The following CASZ1 variants were observed in gnomAD, a reference collection of about 807,000 sequenced individuals.
CASZ1 encodes the protein zinc finger protein castor homolog 1.
In CASZ1, 28 loss-of-function variants were observed where a neutral mutation model predicts 135.2. The ratio of observed to expected loss-of-function variants is 0.21; its 90% CI spans 0.15 to 0.28. The LOEUF (loss-of-function observed/expected upper bound fraction) is 0.28, where lower values mean the gene tolerates loss of function less well. Ranked by LOEUF, CASZ1 falls within the 10% of genes least tolerant of loss-of-function variation. The pLI is 1.00. For missense variants in CASZ1, 2,161 were observed against 2,453.3 expected (o/e 0.88, Z 2.52); for synonymous variants, 1,068 against 1,073.4 (o/e 0.99, Z 0.10).
rs1345081379 is a variant in CASZ1, at chr1:10,639,572, C to T, written c.4650G>A (p.Gln1550=). The T allele has an allele frequency of 1.8e-5, 29 of 1,611,510 alleles. No individual in the cohort carries two copies. Among genetic ancestry groups the T allele is most frequent in the Non-Finnish European group, 2.5e-5 (29 of 1,179,104 alleles). Residue 1550 remains glutamine (Q), a synonymous_variant, in exon 21 of 21, where the codon CAG becomes CAA. Transcript: ENST00000377022. This position sits in a 1 kb window ranked among gnomAD's most constrained non-coding sequence, Gnocchi z 4.0. ...CGGCGCAGTCGGCGCTGGAGCTGAA[C>T]TGGCAGAAGCCCGCGGCGCTGATCA... The part of the protein sequence containing the change: ...QDVISAAGFC[Q]FSSSADCAVP...
intron 1 of CASZ1, among the ~76,000 whole-genome samples, chr1:10,769,619 C>T (rs1000285366): frequency 2.9e-4 from 44 of 152,182 alleles, no homozygotes; most frequent in African/African-American, 9.2e-4. Flanking sequence ...CGGGTTCAAG[C>T]GATTCTCCTG....
rs1194855522 is a variant in CASZ1, at chr1:10,646,312, G to A, written c.3512C>T (p.Ala1171Val). The part of the protein sequence containing the change: ...LQFQENDPCL[A>V]TDCKYANKFH... ...CTTGTTGGCGTACTTGCAGTCCGTG[G>A]CGAGGCAAGGATCGCTGGAAGGAAA... Residue 1171 changes from alanine (A) to valine (V), a missense_variant, in exon 17 of 21, where the codon GCC becomes GTC. Around this residue, in one of 7 missense-constraint regions of CASZ1, gnomAD observed 349 missense variants for 460.8 expected, o/e 0.76. Transcript: ENST00000377022. This position sits in a 1 kb window ranked among gnomAD's most constrained non-coding sequence, Gnocchi z 6.4. 1 of 1,613,902 alleles carries A rather than the reference G, an allele frequency of 6.2e-7. No homozygotes were observed. Among genetic ancestry groups the A allele is most frequent in the Non-Finnish European group, 8.5e-7 (1 of 1,179,996 alleles).
rs1388895000 is a variant in CASZ1 at position 10,650,972 on chromosome 1, G to C, written c.2785C>G (p.Arg929Gly). 1.0e-5 allele frequency: 16 copies of C among 1,583,688 alleles called. No homozygotes were observed. The highest frequency in any genetic ancestry group is 1.1e-5 in the Non-Finnish European group (13 of 1,172,388). ...TCCTTCACAGTCAGGTCTAGACTGCGGTCCTGGGAGGCTTCGTGGGGGCCT... is the reference window on the plus strand; with the variant it reads ...TCCTTCACAGTCAGGTCTAGACTGCCGTCCTGGGAGGCTTCGTGGGGGCCT... ...APGPHEASQD[R>G]SLDLTVKEPS... Residue 929 changes from arginine (R) to glycine (G), a missense_variant, in exon 12 of 21, where the codon CGC becomes GGC. Physicochemically the swap from Arg to Gly is moderately radical, Grantham distance 125 (BLOSUM62 -2). Around this residue, in one of 7 missense-constraint regions of CASZ1, gnomAD observed 406 missense variants for 387.6 expected, o/e 1.05. Transcript: ENST00000377022.
Position 10,657,077 on chromosome 1 carries a change from C to T in CASZ1, c.1410-341G>A, listed in dbSNP as rs1421075781. On this transcript the variant is annotated intron_variant, in intron 7 of 20. Transcript: ENST00000377022. This position sits in a 1 kb window ranked among gnomAD's most constrained non-coding sequence, Gnocchi z 5.7. ...AGGGGCTACCTGCCCCACTCCCAGC[C>T]CGCCCAGTTCTGGCCAGGTGCAGAG... Among the ~76,000 whole-genome samples, 1 of 152,232 alleles carries T rather than the reference C, an allele frequency of 6.6e-6. No homozygotes were observed. The highest frequency in any genetic ancestry group is 1.5e-5 in the Non-Finnish European group (1 of 68,032).
In CASZ1 at chr1:10,676,082, G is replaced by C. The variant is rs1334268510; in HGVS notation, c.17-10511C>G. On this transcript the variant is annotated intron_variant, in intron 4 of 20. Transcript: ENST00000377022. The surrounding 1 kb of genome is among the most constrained non-coding windows in gnomAD (Gnocchi z 4.5). Reference sequence around the variant, plus strand: ...AGCCAGGGAGGGGCCCCAGGAAGAGGGCGGGGCTCCCCCTGGACCTAGGCC... The same window carrying C: ...AGCCAGGGAGGGGCCCCAGGAAGAGCGCGGGGCTCCCCCTGGACCTAGGCC... Among the ~76,000 whole-genome samples the C allele has an allele frequency of 1.3e-5, 2 of 152,158 alleles. No homozygotes were observed. Among genetic ancestry groups the C allele is most frequent in the African/African-American group, 4.8e-5 (2 of 41,444 alleles).
At chr1:10,766,242 G>C (rs550942856) in intron 1 of CASZ1, among the ~76,000 whole-genome samples, 2 of 151,962 alleles carry the variant, frequency 1.3e-5, no homozygotes, top group African/African-American at 4.8e-5. Context: ...ATGCCACTCC[G>C]CCAGATCACT....
rs1427434570 is a variant in CASZ1 at position 10,697,964 on chromosome 1, G to C, written c.-23-4052C>G. ...GCCAGCGAAGTGGACGGGAAGCATGGGGGCCGAGGGAGGGCAGAGCCAAGG... is the reference window on the plus strand; with the variant it reads ...GCCAGCGAAGTGGACGGGAAGCATGCGGGCCGAGGGAGGGCAGAGCCAAGG... On this transcript the variant is annotated intron_variant, in intron 3 of 20. Transcript: ENST00000377022. The surrounding 1 kb of genome is among the most constrained non-coding windows in gnomAD (Gnocchi z 4.7). 2.0e-5 allele frequency among the ~76,000 whole-genome samples: 3 copies of C among 152,258 alleles called. No individual in the cohort carries two copies. Among genetic ancestry groups the C allele is most frequent in the Non-Finnish European group, 4.4e-5 (3 of 68,052 alleles).
Position 10,646,545 on chromosome 1 carries a change from G to A in CASZ1, c.3498-219C>T, listed in dbSNP as rs1480283428. 1.3e-5 allele frequency among the ~76,000 whole-genome samples: 2 copies of A among 152,256 alleles called. No individual in the cohort carries two copies. The highest frequency in any genetic ancestry group is 2.4e-5 in the African/African-American group (1 of 41,474). ...TTTTAGGAGCTCTGCATGGTGCACAGGGATTGCAATATGCAGGGTGCCCAG... is the reference window on the plus strand; with the variant it reads ...TTTTAGGAGCTCTGCATGGTGCACAAGGATTGCAATATGCAGGGTGCCCAG... On this transcript the variant is annotated intron_variant, in intron 16 of 20. Coordinates refer to ENST00000377022, the MANE Select transcript of CASZ1 (RefSeq NM_001079843.3). The surrounding 1 kb of genome is among the most constrained non-coding windows in gnomAD (Gnocchi z 6.4).
rs1408310582 is a variant in CASZ1, at chr1:10,720,439, G to A, written c.-76-14895C>T. On this transcript the variant is annotated intron_variant, in intron 2 of 20. Transcript: ENST00000377022. This position sits in a 1 kb window ranked among gnomAD's most constrained non-coding sequence, Gnocchi z 5.7. ...CCCACTGTGCTCCCCAAAGAGCCTG[G>A]GGAAGCTCAGAAATGTCTAGAGGAG... 2.0e-5 allele frequency among the ~76,000 whole-genome samples: 3 copies of A among 152,120 alleles called. No individual in the cohort carries two copies.
chr1:10,677,097 A>T (rs1015684392), intron 4 of CASZ1, among the ~76,000 whole-genome samples: 10 of 152,192 alleles, frequency 6.6e-5, no homozygotes, highest in Non-Finnish European at 1.2e-4. Context: ...CCCGCCTCCA[A>T]GATGAGTGAG....
intron 2 of CASZ1, among the ~76,000 whole-genome samples, chr1:10,751,827 T>G (rs547893995): frequency 6.6e-6 from 1 of 152,254 alleles, no homozygotes; most frequent in South Asian, 2.1e-4. Flanking sequence ...TGCTGTTAAC[T>G]CCTAGAGAAC....
Position 10,687,623 on chromosome 1 carries a change from G to A in CASZ1, c.16+6251C>T, listed in dbSNP as rs74317310. Among the ~76,000 whole-genome samples, 217 of 152,384 alleles carry A rather than the reference G, an allele frequency of 1.4e-3. 3 individuals are homozygous for A. In the East Asian group the frequency reaches 0.036, roughly 25 times the overall value. On this transcript the variant is annotated intron_variant, in intron 4 of 20. Coordinates refer to ENST00000377022, the MANE Select transcript of CASZ1 (RefSeq NM_001079843.3). The stretch of plus-strand genomic sequence containing the variant: ...ATCCCGGAAGCGGGGAAGAGAATGA[G>A]AGAGGGCAGACATGCAGTGGTGAGG...
rs1169648128 is a variant in CASZ1 at position 10,700,336 on chromosome 1, T to TC, written c.-24+5155dup. ...TTACCCTGTTGCTGCTGGTTCCTGCTCCAAGCCTCCCTTCTAGGAGCAGGG... is the reference window on the plus strand; with the variant it reads ...TTACCCTGTTGCTGCTGGTTCCTGCTCCCAAGCCTCCCTTCTAGGAGCAGGG... On this transcript the variant is annotated intron_variant, in intron 3 of 20. Transcript: ENST00000377022. The surrounding 1 kb of genome is among the most constrained non-coding windows in gnomAD (Gnocchi z 4.2). Among the ~76,000 whole-genome samples the TC allele has an allele frequency of 1.3e-5, 2 of 152,182 alleles. No homozygotes were observed. The highest frequency in any genetic ancestry group is 4.8e-5 in the African/African-American group (2 of 41,452).
rs896095338 is a variant in CASZ1 at position 10,700,641 on chromosome 1, C to T, written c.-24+4851G>A. On this transcript the variant is annotated intron_variant, in intron 3 of 20. Transcript: ENST00000377022. This position sits in a 1 kb window ranked among gnomAD's most constrained non-coding sequence, Gnocchi z 4.2. ...TGGAGTCTCAGTACCTGGGTTCACACCGCAGCTCCATCTTCTACAGGCTCT... is the reference window on the plus strand; with the variant it reads ...TGGAGTCTCAGTACCTGGGTTCACATCGCAGCTCCATCTTCTACAGGCTCT... Among the ~76,000 whole-genome samples, 2 of 152,168 alleles carry T rather than the reference C, an allele frequency of 1.3e-5. No individual in the cohort carries two copies. The highest frequency in any genetic ancestry group is 4.8e-5 in the African/African-American group (2 of 41,434).
intron 4 of CASZ1, among the ~76,000 whole-genome samples, chr1:10,673,324 C>T (rs1643466408): frequency 6.6e-6 from 1 of 152,158 alleles, no homozygotes; most frequent in Admixed American, 6.5e-5. Flanking sequence ...AGTACTTTCC[C>T]TTTTTTATGA....
intron 1 of CASZ1, among the ~76,000 whole-genome samples, chr1:10,768,087 C>A (rs1427838626): frequency 6.6e-6 from 1 of 152,220 alleles, no homozygotes; most frequent in African/African-American, 2.4e-5. Context: ...GGAGCCAGGC[C>A]AGCCTCTACC....
At chr1:10,680,275 C>CAGGG (rs1553130749) in intron 4 of CASZ1, among the ~76,000 whole-genome samples, 2 of 6,270 alleles carry the variant, frequency 3.2e-4, no homozygotes, top group Non-Finnish European at 7.6e-4. Flanking sequence ...CGGGGCGGGG[C>CAGGG]GGCGGGGGAT....
rs1232911383 is a variant in CASZ1, at chr1:10,754,082, A to G, written c.-77+6619T>C. Among the ~76,000 whole-genome samples, 5 of 152,040 alleles carry G rather than the reference A, an allele frequency of 3.3e-5. No individual in the cohort carries two copies. The East Asian group carries it at 9.7e-4, about 29-fold the overall frequency. ...CACCTGCTATGAATGCTCTTCCTAC[A>G]GATATCGATTAGGTTGGCTCACTCC... On this transcript the variant is annotated intron_variant, in intron 2 of 20. Coordinates refer to ENST00000377022, the MANE Select transcript of CASZ1 (RefSeq NM_001079843.3).
chr1:10,644,179 C>T (rs1057198093), intron 18 of CASZ1, among the ~76,000 whole-genome samples: 3 of 152,164 alleles, frequency 2.0e-5, no homozygotes, highest in African/African-American at 4.8e-5. Flanking sequence ...CTCTGCTGGG[C>T]GGCCTGGCTC....
Sources: gnomAD v4.1 joint callset for allele counts (sites outside exome capture counted in the v4.1 genomes callset) on GRCh38, gnomAD v4.1.1 for gene constraint, gnomAD v4.1.1 regional missense constraint, Gnocchi (gnomAD v3.1) non-coding constraint, MANE v1.5 for transcripts, NCBI Gene and HGNC (gene_info 2026-07-23, HGNC 2026-07-21) for gene names.